ALLC: variants seen among roughly 807,000 people sequenced by gnomAD.
The protein encoded by ALLC is probable inactive allantoicase.
In ALLC, 40 loss-of-function variants were observed where a neutral mutation model predicts 45.0. That is an observed-to-expected ratio of 0.89 (90% CI 0.69 to 1.16). The LOEUF is 1.16. ALLC is among the 50% of genes most tolerant of loss of function. The probability of loss-of-function intolerance (pLI) is 0.00; values close to 1 mark genes in which losing one functional copy is unlikely to be tolerated. For missense variants in ALLC, 488 were observed against 493.1 expected (o/e 0.99, Z 0.10); for synonymous variants, 176 against 178.1 (o/e 0.99, Z 0.09).
chr2:3,694,639 C>A (rs1667611339), intron 7 of ALLC: 1 of 152,178 alleles, frequency 6.6e-6, no homozygotes, highest in Non-Finnish European at 1.5e-5. Context: ...ACTCTCATAA[C>A]CCGGCTCCTG....
At chr2:3,671,054 C>G (rs1666855025) in intron 1 of ALLC, 42 bp from the exon 2 acceptor site, 2 of 1,265,084 alleles carry the variant, frequency 1.6e-6, no homozygotes, top group Non-Finnish European at 2.2e-6. Context: ...TCACTCACTC[C>G]CGCAGCCCCC....
chr2:3,664,729 TA>T (rs887078235), intron 1 of ALLC, among the ~76,000 whole-genome samples: 3 of 151,692 alleles, frequency 2.0e-5, no homozygotes, highest in Non-Finnish European at 2.9e-5. Flanking sequence ...ACAAAAAAAG[TA>T]AAAATATGGT....
At chr2:3,657,336 C>T (rs766073121), upstream of ALLC, among the ~76,000 whole-genome samples, 5 of 152,218 alleles carry the variant, frequency 3.3e-5, no homozygotes, top group Non-Finnish European at 7.3e-5. Flanking sequence ...GAAGGCCGGT[C>T]AGGCCCTGGG....
At chr2:3,668,950 T>C (rs912210905) in intron 1 of ALLC, among the ~76,000 whole-genome samples, 1 of 152,122 alleles carries the variant, frequency 6.6e-6, no homozygotes, top group Non-Finnish European at 1.5e-5. Context: ...TCCCTGAATA[T>C]TCCCACTGTC....
intron 7 of ALLC, among the ~76,000 whole-genome samples, chr2:3,693,132 T>C (rs2148018042): frequency 6.6e-6 from 1 of 152,320 alleles, no homozygotes; most frequent in South Asian, 2.1e-4. Flanking sequence ...GCAGATATTC[T>C]TGAATAGATG....
chr2:3,683,095 T>A (rs1400662636), intron 7 of ALLC, 21 bp downstream of exon 7: 3 of 1,602,674 alleles, frequency 1.9e-6, no homozygotes. Flanking sequence ...CATGGACTTA[T>A]CACCAGTTCC....
intron 2 of ALLC, 128 bp from the exon 3 acceptor site, chr2:3,673,947 C>G (rs1474391217): frequency 5.9e-6 from 4 of 678,164 alleles, no homozygotes; most frequent in Non-Finnish European, 1.0e-5. Flanking sequence ...ACTGCAGATT[C>G]TGTCGCTTCC....
rs372653980 is a variant in ALLC at position 3,678,590 on chromosome 2, G to A, written c.172+35G>A. 3.9e-5 allele frequency: 61 copies of A among 1,573,990 alleles called. 3 individuals are homozygous for A. The highest frequency in any genetic ancestry group is 3.2e-4 in the African/African-American group (24 of 74,214). ...ACGGTTCGTTCATCGAAGTGCAGCT[G>A]ACACTGCAAAGTTAAAAACGCAGGC... On this transcript the variant is annotated intron_variant, in intron 4 of 11. Transcript: ENST00000252505.
At chr2:3,683,850 T>G (rs1325703793) in intron 7 of ALLC, among the ~76,000 whole-genome samples, 1 of 152,222 alleles carries the variant, frequency 6.6e-6, no homozygotes, top group Non-Finnish European at 1.5e-5. Context: ...AAATGCTCAC[T>G]GGAATATTTC....
chr2:3,687,805 A>G (rs927212154), intron 7 of ALLC, among the ~76,000 whole-genome samples: 1 of 150,792 alleles, frequency 6.6e-6, no homozygotes, highest in African/African-American at 2.4e-5. Flanking sequence ...AGTGGACTTT[A>G]TTGATGGTAT....
chr2:3,697,778 G>A (rs1369946767), intron 10 of ALLC, among the ~76,000 whole-genome samples: 2 of 150,918 alleles, frequency 1.3e-5, no homozygotes, highest in African/African-American at 4.9e-5. Context: ...CGATTCTCCT[G>A]CCTCAGCCTC....
chr2:3,663,632 G>A (rs1440000163), intron 1 of ALLC, among the ~76,000 whole-genome samples: 4 of 152,072 alleles, frequency 2.6e-5, no homozygotes, highest in Non-Finnish European at 5.9e-5. Flanking sequence ...CTGGTGCACA[G>A]TAGGTCTTCA....
In ALLC at chr2:3,671,949, C is replaced by T. The variant is rs1486298588; in HGVS notation, c.33+759C>T. Among the ~76,000 whole-genome samples the T allele has an allele frequency of 2.4e-5, 3 of 125,068 alleles. 1 individual carries two copies. Among genetic ancestry groups the T allele is most frequent in the African/African-American group, 7.2e-5 (2 of 27,950 alleles). 82.0% of individuals were successfully genotyped at this position (125,068 alleles called of 152,430 possible). A position where few individuals can be genotyped will look rare whatever the true frequency, so the allele number is the denominator to read the frequency against. On this transcript the variant is annotated intron_variant, in intron 2 of 11. Transcript: ENST00000252505. The stretch of plus-strand genomic sequence containing the variant: ...TCTGGCTCTATTTAGATCCGAGGTC[C>T]TCTGGCTCTATTTAGATCCGAGGTC...
chr2:3,651,427 G>GCA, the ALLC span, among the ~76,000 whole-genome samples: 10 of 59,398 alleles, frequency 1.7e-4, no homozygotes, highest in Admixed American at 4.7e-4. Context: ...GTGTGTGTGT[G>GCA]TGTGTGTGTG....
intron 7 of ALLC, among the ~76,000 whole-genome samples, chr2:3,691,886 T>C (rs1446619517): frequency 6.6e-6 from 1 of 152,188 alleles, no homozygotes; most frequent in Non-Finnish European, 1.5e-5. Flanking sequence ...TTCATTCTAT[T>C]CTTAAGAGCC....
chr2:3,702,453 G>A lies in ALLC; in HGVS notation c.1066G>A (p.Gly356Arg), dbSNP rs1157557204. The A allele has an allele frequency of 1.9e-6, 3 of 1,612,730 alleles. No individual in the cohort carries two copies. Among genetic ancestry groups the A allele is most frequent in the Middle Eastern group, 1.6e-4 (1 of 6,062 alleles). Residue 356 changes from glycine (G) to arginine (R), a missense_variant, in exon 12 of 12, where the codon GGG becomes AGG. Coordinates refer to ENST00000252505, the MANE Select transcript of ALLC (RefSeq NM_018436.4). Reference protein sequence around the residue: ...THARLTIVPDGGVSRLRLRGF... With the variant: ...THARLTIVPDRGVSRLRLRGF... ...CGCCAGGCTCACCATCGTCCCCGAC[G>A]GGGGAGTGAGCCGCCTTCGGCTCCG...
Position 3,695,792 on chromosome 2 carries a change from C to A in ALLC, c.587C>A (p.Ala196Glu). The part of the protein sequence containing the change: ...DWTATDPKEP[A>E]DLVAIAFGGV... ...ACTGCAACTGACCCCAAAGAACCTGCAGACCTAGTGGCCATCGCTTTTGGG... is the reference window on the plus strand; with the variant it reads ...ACTGCAACTGACCCCAAAGAACCTGAAGACCTAGTGGCCATCGCTTTTGGG... The change falls in exon 8 of 12, where the codon GCA (alanine) becomes GAA (glutamate). Residue 196 changes from alanine to glutamate, a missense_variant. Transcript: ENST00000252505. The A allele has an allele frequency of 6.2e-7, 1 of 1,614,002 alleles. No homozygotes were observed. Among genetic ancestry groups the A allele is most frequent in the East Asian group, 2.2e-5 (1 of 44,886 alleles).
the ALLC span, among the ~76,000 whole-genome samples, chr2:3,648,047 A>G: frequency 6.6e-6 from 1 of 152,048 alleles, no homozygotes; most frequent in South Asian, 2.1e-4. Context: ...GTGTGGGGCA[A>G]TGGGCAGTGG....
the ALLC span, among the ~76,000 whole-genome samples, chr2:3,652,852 G>A: frequency 2.7e-3 from 404 of 152,242 alleles, no homozygotes; most frequent in Non-Finnish European, 4.4e-3. Flanking sequence ...AAAACGCTAG[G>A]ATTACAGGCG....
Sources: allele counts gnomAD v4.1 joint callset (sites outside exome capture counted in the v4.1 genomes callset), GRCh38; gene constraint gnomAD v4.1.1; transcripts MANE v1.5; gene names NCBI Gene and HGNC (gene_info 2026-07-23, HGNC 2026-07-21).